CSMD1: variants seen among roughly 807,000 people sequenced by gnomAD.
The protein encoded by CSMD1 is CUB and sushi domain-containing protein 1.
In CSMD1, 213 loss-of-function variants were observed where a neutral mutation model predicts 417.5. The ratio of observed to expected loss-of-function variants is 0.51; its 90% CI spans 0.46 to 0.57. CSMD1 has a LOEUF of 0.57. Among genes scored for constraint, CSMD1 ranks in the 20% least tolerant of loss-of-function variants. CSMD1 has a pLI of 0.00. For missense variants in CSMD1, 6,923 were observed against 4,529.7 expected, an observed-to-expected ratio of 1.53 and a Z score of -15.17; for synonymous variants, 2,862 against 1,736.8, an observed-to-expected ratio of 1.65 and a Z score of -16.11.
At chr8:4,469,007 G>C (rs1747886942) in intron 2 of CSMD1, among the ~76,000 whole-genome samples, 1 of 151,884 alleles carries the variant, frequency 6.6e-6, no homozygotes, top group African/African-American at 2.4e-5. Context: ...GACTCTAAAA[G>C]GAAAAAAAGT....
chr8:3,845,550 G>A (rs1372519227), intron 5 of CSMD1, among the ~76,000 whole-genome samples: 3 of 152,284 alleles, frequency 2.0e-5, no homozygotes, highest in East Asian at 3.9e-4. Context: ...GTTGCTCTGG[G>A]TGTCAGTGAA....
chr8:4,298,005 C>A (rs369160440), intron 3 of CSMD1, among the ~76,000 whole-genome samples: 3 of 152,106 alleles, frequency 2.0e-5, no homozygotes, highest in Non-Finnish European at 1.5e-5. Flanking sequence ...GTAGCAAACG[C>A]TTGTTTCCCT....
intron 3 of CSMD1, among the ~76,000 whole-genome samples, chr8:4,153,937 G>C (rs1796696279): frequency 6.6e-6 from 1 of 152,312 alleles, no homozygotes; most frequent in Middle Eastern, 3.4e-3. Flanking sequence ...TGTGGATCCT[G>C]CTTTCAAGTG....
intron 5 of CSMD1, among the ~76,000 whole-genome samples, chr8:3,783,186 G>C (rs182395931): frequency 5.3e-5 from 8 of 152,286 alleles, no homozygotes; most frequent in South Asian, 2.1e-4. Context: ...TGTTCTATTT[G>C]TTCAATCACC....
At chr8:3,450,312 A>G (rs1282582685) in intron 12 of CSMD1, among the ~76,000 whole-genome samples, 1 of 146,838 alleles carries the variant, frequency 6.8e-6, no homozygotes, top group Admixed American at 6.8e-5. Context: ...AGCCTCTCCT[A>G]TTTTTTTTTT....
intron 5 of CSMD1, among the ~76,000 whole-genome samples, chr8:3,886,831 G>A (rs1285605465): frequency 6.6e-6 from 1 of 152,142 alleles, no homozygotes; most frequent in Non-Finnish European, 1.5e-5. Context: ...TTTGAACACA[G>A]ATCTAATTCA....
At chr8:3,880,583 T>C (rs2930342) in intron 5 of CSMD1, among the ~76,000 whole-genome samples, 3 of 152,138 alleles carry the variant, frequency 2.0e-5, no homozygotes, top group Admixed American at 6.5e-5. Flanking sequence ...TATCTTCCAC[T>C]ACACAAATAG....
chr8:4,686,365 C>G (rs1806387364), intron 1 of CSMD1, among the ~76,000 whole-genome samples: 2 of 152,198 alleles, frequency 1.3e-5, no homozygotes, highest in African/African-American at 2.4e-5. Context: ...ATATGGCACT[C>G]TGACATTTGA....
At chr8:3,380,119 C>T (rs1810542508) in intron 18 of CSMD1, among the ~76,000 whole-genome samples, 1 of 152,120 alleles carries the variant, frequency 6.6e-6, no homozygotes, top group South Asian at 2.1e-4. Context: ...ATTTATGCAG[C>T]CAACAAACAT....
chr8:4,756,087 G>C (rs138001776), intron 1 of CSMD1, among the ~76,000 whole-genome samples: 70 of 152,278 alleles, frequency 4.6e-4, no homozygotes, highest in African/African-American at 1.5e-3. Flanking sequence ...TTTATTCTAT[G>C]TATGTTCCAA....
intron 4 of CSMD1, among the ~76,000 whole-genome samples, chr8:4,004,095 T>A (rs989379116): frequency 6.6e-6 from 1 of 152,172 alleles, no homozygotes; most frequent in East Asian, 1.9e-4. Flanking sequence ...AGAACAAATT[T>A]ATCTACGTTA....
chr8:3,324,304 AG>A, intron 23 of CSMD1, among the ~76,000 whole-genome samples: 1 of 150,222 alleles, frequency 6.7e-6, no homozygotes, highest in Admixed American at 6.6e-5. Flanking sequence ...GAGACCCAGG[AG>A]GGGGAGTTTC....
intron 3 of CSMD1, among the ~76,000 whole-genome samples, chr8:4,124,153 C>T (rs1201390199): frequency 1.3e-5 from 2 of 149,936 alleles, no homozygotes; most frequent in African/African-American, 2.5e-5. Flanking sequence ...TGTCCTAAAA[C>T]AGTCTGCGGA....
chr8:4,201,719 A>G (rs1023790316), intron 3 of CSMD1, among the ~76,000 whole-genome samples: 1 of 152,088 alleles, frequency 6.6e-6, no homozygotes, highest in African/African-American at 2.4e-5. Context: ...GCTAGGAAAA[A>G]TAGTTTGAAA....
chr8:3,142,412 CA>C, intron 41 of CSMD1, 52 bp downstream of exon 41: 1 of 1,376,270 alleles, frequency 7.3e-7, no homozygotes, highest in Non-Finnish European at 1.0e-6. Flanking sequence ...ATACAATTTA[CA>C]TGTAAGAAGT....
intron 17 of CSMD1, among the ~76,000 whole-genome samples, chr8:3,388,326 G>A (rs758952432): frequency 9.9e-5 from 15 of 152,134 alleles, no homozygotes; most frequent in African/African-American, 3.4e-4. Flanking sequence ...ATATCATTAT[G>A]AGAGTTTCTT....
At chr8:4,902,830 C>A (rs1270031847) in intron 1 of CSMD1, among the ~76,000 whole-genome samples, 1 of 151,902 alleles carries the variant, frequency 6.6e-6, no homozygotes, top group Non-Finnish European at 1.5e-5. Flanking sequence ...AATATACATA[C>A]ATACACATAT....
chr8:3,646,171 G>A (rs1032713553), intron 7 of CSMD1, among the ~76,000 whole-genome samples: 1 of 151,602 alleles, frequency 6.6e-6, no homozygotes, highest in Non-Finnish European at 1.5e-5. Context: ...AAATGAAAAA[G>A]GTGAACAAAA....
intron 8 of CSMD1, among the ~76,000 whole-genome samples, chr8:3,598,747 C>A (rs914639397): frequency 6.6e-6 from 1 of 152,040 alleles, no homozygotes; most frequent in African/African-American, 2.4e-5. Flanking sequence ...TGTAATTTCC[C>A]CCCGCCCCTT....
Sources: gnomAD v4.1 joint callset for allele counts (sites outside exome capture counted in the v4.1 genomes callset) on GRCh38, gnomAD v4.1.1 for gene constraint, MANE v1.5 for transcripts, NCBI Gene and HGNC (gene_info 2026-07-23, HGNC 2026-07-21) for gene names.